Variants in NRXN1 observed in about 807,000 individuals in gnomAD.
NRXN1 encodes the protein neurexin 1.
A neutral mutation model predicts 150.9 loss-of-function variants in NRXN1; 39 were observed. The observed-to-expected ratio is 0.26, with a 90% CI of 0.20 to 0.34. The LOEUF (loss-of-function observed/expected upper bound fraction) is 0.34. Ranked by LOEUF, NRXN1 falls within the 10% of genes least tolerant of loss-of-function variation. The pLI, the probability that NRXN1 is intolerant of heterozygous loss-of-function variation, is 1.00. For synonymous variants in NRXN1, 924 were observed against 757.0 expected (o/e 1.22, Z -3.62); for missense variants, 1,815 against 1,949.9 (o/e 0.93, Z 1.30).
chr2:50,246,848 C>T (rs2066548096), intron 17 of NRXN1, among the ~76,000 whole-genome samples: 1 of 152,014 alleles, frequency 6.6e-6, no homozygotes, highest in Non-Finnish European at 1.5e-5. Context: ...TGAGAATTGT[C>T]TTTTATTGAA....
intron 15 of NRXN1, among the ~76,000 whole-genome samples, chr2:50,481,572 C>T (rs1246576920): frequency 6.6e-6 from 1 of 152,050 alleles, no homozygotes; most frequent in South Asian, 2.1e-4. Flanking sequence ...AAATCAGACA[C>T]TTGTATGTAT....
Position 50,296,881 on chromosome 2 carries a change from CT to C in NRXN1, c.3365-59912del, listed in dbSNP as rs4032054. 4.9e-3 allele frequency among the ~76,000 whole-genome samples: 555 copies of C among 112,868 alleles called. 5 individuals are homozygous for C. The highest frequency in any genetic ancestry group is 6.1e-3 in the Non-Finnish European group (328 of 53,750). 74.0% of individuals were successfully genotyped at this position (112,868 alleles called of 152,430 possible). A position where few individuals can be genotyped will look rare whatever the true frequency, so the allele number is the denominator to read the frequency against. On this transcript the variant is annotated intron_variant, in intron 17 of 22. Coordinates refer to ENST00000401669, the MANE Select transcript of NRXN1 (RefSeq NM_001330078.2). ...TGTAAAAGACACAGTTTCTTTCTTT[CT>C]TTTTTTTTTTTTTTTTTTGAGATGG...
chr2:50,934,421 G>A (rs564550259), intron 2 of NRXN1, among the ~76,000 whole-genome samples: 44 of 151,702 alleles, frequency 2.9e-4, no homozygotes, highest in African/African-American at 9.7e-4. Flanking sequence ...TTGTTTGTAC[G>A]TATTAGAAAA....
chr2:50,252,619 G>C (rs2067237544), intron 17 of NRXN1, among the ~76,000 whole-genome samples: 1 of 152,086 alleles, frequency 6.6e-6, no homozygotes, highest in South Asian at 2.1e-4. Flanking sequence ...ACGGGGTCCA[G>C]TTTCCATTTT....
chr2:50,135,639 T>C (rs980982717), intron 18 of NRXN1, among the ~76,000 whole-genome samples: 4 of 151,946 alleles, frequency 2.6e-5, no homozygotes, highest in Non-Finnish European at 4.4e-5. Context: ...TGCAGTGAGC[T>C]GAGATTGCAC....
At chr2:50,308,091 T>G (rs1171643256) in intron 17 of NRXN1, among the ~76,000 whole-genome samples, 1 of 152,116 alleles carries the variant, frequency 6.6e-6, no homozygotes, top group African/African-American at 2.4e-5. Flanking sequence ...GTTACCTTTT[T>G]TTGTTGTTGT....
intron 5 of NRXN1, among the ~76,000 whole-genome samples, chr2:50,779,407 A>G (rs1266553400): frequency 6.6e-6 from 1 of 152,038 alleles, no homozygotes; most frequent in East Asian, 1.9e-4. Context: ...CATTTTCTTT[A>G]TCCAGTCTAC....
At chr2:50,562,373 A>G (rs1669228839) in intron 8 of NRXN1, among the ~76,000 whole-genome samples, 1 of 148,994 alleles carries the variant, frequency 6.7e-6, no homozygotes, top group South Asian at 2.1e-4. Context: ...ATGATTTCCT[A>G]CAGTCTGTCC....
At chr2:50,722,230 TA>T (rs1444242710) in intron 5 of NRXN1, among the ~76,000 whole-genome samples, 1 of 152,064 alleles carries the variant, frequency 6.6e-6, no homozygotes, top group South Asian at 2.1e-4. Flanking sequence ...GCAAAATAAT[TA>T]AAAAATATGG....
chr2:50,658,983 A>G (rs1043094270), intron 5 of NRXN1, among the ~76,000 whole-genome samples: 2 of 152,054 alleles, frequency 1.3e-5, no homozygotes, highest in African/African-American at 4.8e-5. Context: ...TCAAAAAGAT[A>G]GCTTCAGGGA....
At chr2:50,824,285 C>A (rs1670137713) in intron 5 of NRXN1, among the ~76,000 whole-genome samples, 1 of 148,878 alleles carries the variant, frequency 6.7e-6, no homozygotes, top group African/African-American at 2.5e-5. Flanking sequence ...ATTATTGCTA[C>A]AATTCAAACC....
chr2:50,171,408 C>A (rs917096048), intron 18 of NRXN1, among the ~76,000 whole-genome samples: 1 of 147,270 alleles, frequency 6.8e-6, no homozygotes, highest in Non-Finnish European at 1.5e-5. Context: ...GTAGGCCTCT[C>A]AATTCATTTT....
chr2:50,118,637 CT>C (rs1703408566), intron 18 of NRXN1, among the ~76,000 whole-genome samples: 1 of 151,996 alleles, frequency 6.6e-6, no homozygotes, highest in South Asian at 2.1e-4. Flanking sequence ...ATTTTACTTC[CT>C]TTAAATTCAA....
intron 5 of NRXN1, among the ~76,000 whole-genome samples, chr2:50,746,434 C>T (rs563182653): frequency 2.0e-5 from 3 of 151,924 alleles, no homozygotes; most frequent in Admixed American, 6.6e-5. Flanking sequence ...TGGTGTCTGC[C>T]TGTGGTCCCA....
rs569864673 is a variant in NRXN1 at position 50,007,332 on chromosome 2, C to G, written c.4128+45939G>C. Among the ~76,000 whole-genome samples the G allele has an allele frequency of 5.1e-4, 78 of 152,138 alleles. 1 individual carries two copies. Among genetic ancestry groups the G allele is most frequent in the African/African-American group, 1.8e-3 (76 of 41,514 alleles). ...CTGCACTCCAGCCTGAGTGACAGAG[C>G]AAGACCCTATCTCTGACAAAATGTG... On this transcript the variant is annotated intron_variant, in intron 21 of 22. Transcript: ENST00000401669.
intron 17 of NRXN1, among the ~76,000 whole-genome samples, chr2:50,248,807 T>C (rs941557397): frequency 3.3e-5 from 5 of 152,068 alleles, no homozygotes; most frequent in Non-Finnish European, 5.9e-5. Context: ...GTTTGGAATC[T>C]AAGAGGGAAA....
At chr2:50,823,409 T>A (rs1331743440) in intron 5 of NRXN1, among the ~76,000 whole-genome samples, 1 of 152,136 alleles carries the variant, frequency 6.6e-6, no homozygotes, top group Non-Finnish European at 1.5e-5. Context: ...CCTACCATCA[T>A]ACAACTACAA....
At chr2:50,538,103 A>G in intron 10 of NRXN1, 150 bp downstream of exon 10, 1 of 787,414 alleles carries the variant, frequency 1.3e-6, no homozygotes. Context: ...GCTCATTAGT[A>G]ATCCATGTCA....
rs2093313457 is a variant in NRXN1, at chr2:50,538,354, A to C, written c.2042T>G (p.Leu681Arg). Residue 681 changes from leucine (L) to arginine (R), a missense_variant, in exon 10 of 23, where the codon CTT (leucine) becomes CGT (arginine). Coordinates refer to ENST00000401669, the MANE Select transcript of NRXN1 (RefSeq NM_001330078.2). ...GCCATTGTTTTTGCAAGGGTTGCTA[A>C]GGCACGGTTTTGCTGTTTCCTTTGA... The part of the protein sequence containing the change: ...SCSKETAKPC[L>R]SNPCKNNGMC... 3 of 1,613,986 alleles carry C rather than the reference A, an allele frequency of 1.9e-6. No homozygotes were observed. Among genetic ancestry groups the C allele is most frequent in the Non-Finnish European group, 2.5e-6 (3 of 1,179,880 alleles).
Sources: allele counts gnomAD v4.1 joint callset (sites outside exome capture counted in the v4.1 genomes callset), GRCh38; gene constraint gnomAD v4.1.1; transcripts MANE v1.5; gene names NCBI Gene and HGNC (gene_info 2026-07-23, HGNC 2026-07-21).